Variants in EXOC2 observed in about 807,000 individuals in gnomAD.
EXOC2 encodes the protein SEC5-like 1.
EXOC2 carries 70 observed loss-of-function variants against 131.8 expected under a neutral mutation model. The ratio of observed to expected loss-of-function variants is 0.53; its 90% CI spans 0.44 to 0.65. EXOC2 has a LOEUF of 0.65. Ranked by LOEUF, EXOC2 falls within the 30% of genes least tolerant of loss-of-function variation. The probability of loss-of-function intolerance (pLI) is 0.00; values close to 1 mark genes in which losing one functional copy is unlikely to be tolerated. For synonymous variants in EXOC2, 411 were observed against 398.4 expected (o/e 1.03, Z -0.38); for missense variants, 923 against 1,108.6 (o/e 0.83, Z 2.38).
chr6:595,448 T>C (rs1310105026), intron 10 of EXOC2, among the ~76,000 whole-genome samples: 1 of 152,040 alleles, frequency 6.6e-6, no homozygotes, highest in African/African-American at 2.4e-5. Context: ...GTAAATAAAA[T>C]AATCATTAAC....
chr6:673,548 G>A (rs1763972794), intron 1 of EXOC2, among the ~76,000 whole-genome samples: 1 of 152,136 alleles, frequency 6.6e-6, no homozygotes, highest in East Asian at 1.9e-4. Flanking sequence ...GAGCGAAAAC[G>A]TTTCTAACAG....
At chr6:548,136 A>G (rs1384059682) in intron 22 of EXOC2, among the ~76,000 whole-genome samples, 1 of 152,242 alleles carries the variant, frequency 6.6e-6, no homozygotes, top group Non-Finnish European at 1.5e-5. Flanking sequence ...ATTTCTGGAA[A>G]TAAACTAGAC....
intron 4 of EXOC2, among the ~76,000 whole-genome samples, chr6:622,400 G>C (rs1279341108): frequency 6.6e-6 from 1 of 152,216 alleles, no homozygotes; most frequent in Admixed American, 6.5e-5. Context: ...AGAAGGCTGA[G>C]AAGTCAAACA....
rs1237712883 is a variant in EXOC2 at position 485,454 on chromosome 6, T to G, written c.*1217A>C. On this transcript the variant is annotated 3_prime_UTR_variant, in exon 28 of 28. Coordinates refer to ENST00000230449, the MANE Select transcript of EXOC2 (RefSeq NM_018303.6). ...AAAATTACTTGCATTAATGAGGACA[T>G]TAATTTTAGCATTTAAAAAAAGAGA... 1 of 152,178 alleles carries G rather than the reference T, an allele frequency of 6.6e-6. No homozygotes were observed. Among genetic ancestry groups the G allele is most frequent in the African/African-American group, 2.4e-5 (1 of 41,422 alleles). 9.4% of individuals were successfully genotyped at this position (152,178 alleles called of 1,614,324 possible).
intron 23 of EXOC2, among the ~76,000 whole-genome samples, chr6:500,593 T>A (rs536017951): frequency 6.6e-6 from 1 of 152,304 alleles, no homozygotes; most frequent in Admixed American, 6.5e-5. Flanking sequence ...CAGCGTTCAC[T>A]AAGAGCTTTC....
chr6:520,738 G>A (rs376325402), intron 23 of EXOC2, among the ~76,000 whole-genome samples: 17 of 112,494 alleles, frequency 1.5e-4, no homozygotes, highest in Admixed American at 3.7e-4. Context: ...ACGGAGCGCC[G>A]ACACTCACCG....
chr6:562,550 G>T (rs1011029964), intron 17 of EXOC2, among the ~76,000 whole-genome samples: 17 of 152,300 alleles, frequency 1.1e-4, no homozygotes, highest in African/African-American at 3.1e-4. Context: ...AACAAAAATC[G>T]TAAGTTATAC....
chr6:511,686 C>T (rs1211811777), intron 23 of EXOC2, among the ~76,000 whole-genome samples: 2 of 152,240 alleles, frequency 1.3e-5, no homozygotes, highest in Non-Finnish European at 2.9e-5. Flanking sequence ...GCTGCAAGGC[C>T]AGCTTAGAGT....
intron 1 of EXOC2, among the ~76,000 whole-genome samples, chr6:658,483 G>GT (rs1763240828): frequency 6.6e-6 from 1 of 151,738 alleles, no homozygotes; most frequent in African/African-American, 2.4e-5. Context: ...CCACAATGAT[G>GT]TAAGTTAGAG....
chr6:629,995 G>A, intron 3 of EXOC2, 34 bp from the exon 4 acceptor site: 1 of 1,610,816 alleles, frequency 6.2e-7, no homozygotes, highest in Non-Finnish European at 8.5e-7. Flanking sequence ...TTAATAAGAT[G>A]AAGCCTACCC....
Position 589,845 on chromosome 6 carries a change from G to A in EXOC2, c.1192+2624C>T, listed in dbSNP as rs558335497. Among the ~76,000 whole-genome samples the A allele has an allele frequency of 8.1e-4, 124 of 152,336 alleles. 1 individual carries two copies. The highest frequency in any genetic ancestry group is 2.9e-3 in the African/African-American group (120 of 41,586). On this transcript the variant is annotated intron_variant, in intron 11 of 27. Transcript: ENST00000230449. Reference sequence around the variant, plus strand: ...CCCCAGTGGACGCGTGGTAGCTCACGCCTGTAATCCCAGCACTTTGGGAGG... The same window carrying A: ...CCCCAGTGGACGCGTGGTAGCTCACACCTGTAATCCCAGCACTTTGGGAGG...
intron 1 of EXOC2, among the ~76,000 whole-genome samples, chr6:671,359 A>AC (rs991378248): frequency 6.6e-6 from 1 of 151,794 alleles, no homozygotes; most frequent in African/African-American, 2.4e-5. Flanking sequence ...AACAACAAAA[A>AC]AAAACAAAAA....
intron 23 of EXOC2, among the ~76,000 whole-genome samples, chr6:519,126 C>A (rs1328239561): frequency 8.5e-6 from 1 of 118,316 alleles, no homozygotes; most frequent in African/African-American, 3.4e-5. Context: ...AAACCACCAC[C>A]CACCGAGCGC....
intron 17 of EXOC2, among the ~76,000 whole-genome samples, chr6:557,346 G>A (rs541432987): frequency 1.1e-4 from 17 of 152,202 alleles, no homozygotes; most frequent in Middle Eastern, 3.4e-3. Context: ...TTGGCCGGGC[G>A]CAGTGGCTCA....
chr6:500,350 CA>C (rs1763971941), intron 23 of EXOC2, among the ~76,000 whole-genome samples: 1 of 152,168 alleles, frequency 6.6e-6, no homozygotes, highest in South Asian at 2.1e-4. Flanking sequence ...GGTACAAGTT[CA>C]ATGAGCCTCA....
chr6:487,893 T>A (rs891562032), intron 27 of EXOC2, among the ~76,000 whole-genome samples: 1 of 152,224 alleles, frequency 6.6e-6, no homozygotes, highest in African/African-American at 2.4e-5. Flanking sequence ...TTTCAGGGTG[T>A]GTATTGTTCG....
intron 11 of EXOC2, among the ~76,000 whole-genome samples, chr6:581,924 A>G (rs1758925682): frequency 6.6e-6 from 1 of 152,224 alleles, no homozygotes. Context: ...TTATAAACAA[A>G]CATAAAATTA....
chr6:565,570 A>G (rs1757927348), intron 13 of EXOC2, among the ~76,000 whole-genome samples: 1 of 152,198 alleles, frequency 6.6e-6, no homozygotes, highest in South Asian at 2.1e-4. Context: ...TTCTAACTAA[A>G]TATTTTTATA....
In EXOC2 at chr6:619,529, T is replaced by C. The variant is rs1346042226; in HGVS notation, c.437A>G (p.Gln146Arg). The part of the protein sequence containing the change: ...GIEIEKSKFS[Q>R]KDLEMLFHGM... ...ATGGAATAGCATTTCTAAGTCCTTCTGCGAAAATTTACTTCTGAGGGGAAA... is the reference window on the plus strand; with the variant it reads ...ATGGAATAGCATTTCTAAGTCCTTCCGCGAAAATTTACTTCTGAGGGGAAA... The change falls in exon 5 of 28, where the codon CAG (glutamine) becomes CGG (arginine). Residue 146 changes from glutamine (Q) to arginine (R), a missense_variant. By Grantham distance (43) the Gln-to-Arg change is conservative. Coordinates refer to ENST00000230449, the MANE Select transcript of EXOC2 (RefSeq NM_018303.6). The C allele has an allele frequency of 1.2e-6, 2 of 1,613,504 alleles. No individual in the cohort carries two copies. The highest frequency in any genetic ancestry group is 1.7e-6 in the Non-Finnish European group (2 of 1,179,760).
Sources: gnomAD v4.1 joint callset for allele counts (sites outside exome capture counted in the v4.1 genomes callset) on GRCh38, gnomAD v4.1.1 for gene constraint, MANE v1.5 for transcripts, NCBI Gene and HGNC (gene_info 2026-07-23, HGNC 2026-07-21) for gene names.